KDM4C: variants seen among roughly 807,000 people sequenced by gnomAD.
KDM4C encodes the protein lysine-specific demethylase 4C.
In KDM4C, 81 loss-of-function variants were observed where a neutral mutation model predicts 129.3. The observed-to-expected ratio is 0.63, with a 90% confidence interval of 0.52 to 0.75. The LOEUF (loss-of-function observed/expected upper bound fraction) is 0.75, where lower values mean the gene tolerates loss of function less well. Ranked by LOEUF, KDM4C falls within the 30% of genes least tolerant of loss-of-function variation. The probability of loss-of-function intolerance (pLI) is 0.00; values close to 1 mark genes in which losing one functional copy is unlikely to be tolerated. For missense variants in KDM4C, 1,457 were observed against 1,304.0 expected (o/e 1.12, Z -1.81); for synonymous variants, 573 against 456.1 (o/e 1.26, Z -3.26).
upstream of KDM4C, among the ~76,000 whole-genome samples, chr9:6,756,430 T>C (rs1278212331): frequency 6.6e-6 from 1 of 152,194 alleles, no homozygotes; most frequent in African/African-American, 2.4e-5. Context: ...TTCAGAATTG[T>C]GTGTGGCCGG....
At chr9:7,135,343 C>G (rs373255163) in intron 19 of KDM4C, among the ~76,000 whole-genome samples, 1 of 152,142 alleles carries the variant, frequency 6.6e-6, no homozygotes, top group Admixed American at 6.5e-5. Flanking sequence ...GGAACTTATT[C>G]CCAAAGGACA....
rs114769045 is a variant in KDM4C at position 7,059,028 on chromosome 9, C to T, written c.2424+9828C>T. ...CTTGTATCCATCAGTGTGATAATTT[C>T]CCAGTACTTACAGGCTTTTTAAATG... On this transcript the variant is annotated intron_variant, in intron 17 of 21. Transcript: ENST00000381309. 8.9e-3 allele frequency among the ~76,000 whole-genome samples: 1,350 copies of T among 152,248 alleles called. 22 individuals carry two copies. The highest frequency in any genetic ancestry group is 0.031 in the African/African-American group (1,298 of 41,546).
intron 1 of KDM4C, among the ~76,000 whole-genome samples, chr9:6,780,490 G>T (rs1824094811): frequency 6.6e-6 from 1 of 151,830 alleles, no homozygotes; most frequent in Admixed American, 6.6e-5. Context: ...AAATTGGCCA[G>T]GTGCTGTGGC....
chr9:6,895,153 G>A (rs564557580), intron 8 of KDM4C, among the ~76,000 whole-genome samples: 11 of 152,180 alleles, frequency 7.2e-5, no homozygotes, highest in Non-Finnish European at 1.2e-4. Context: ...GTTGTCTCTT[G>A]CTGCTGTAGC....
chr9:7,105,190 G>T (rs548671511), intron 18 of KDM4C, among the ~76,000 whole-genome samples: 1 of 152,310 alleles, frequency 6.6e-6, no homozygotes, highest in Non-Finnish European at 1.5e-5. Context: ...GCCCTTAACA[G>T]TGTGCAGTCA....
chr9:6,860,300 G>A (rs1840689690), intron 5 of KDM4C, among the ~76,000 whole-genome samples: 1 of 152,150 alleles, frequency 6.6e-6, no homozygotes, highest in African/African-American at 2.4e-5. Flanking sequence ...AAACATTCTT[G>A]AAGTCAGAAA....
intron 5 of KDM4C, among the ~76,000 whole-genome samples, chr9:6,865,589 C>CA (rs1427941171): frequency 1.3e-5 from 2 of 152,004 alleles, no homozygotes; most frequent in African/African-American, 2.4e-5. Flanking sequence ...CTTTTTGAGA[C>CA]AGAGTCTTGG....
chr9:6,763,303 C>G (rs988910228), intron 1 of KDM4C, among the ~76,000 whole-genome samples: 4 of 152,204 alleles, frequency 2.6e-5, no homozygotes. Flanking sequence ...TGCTGTTGTT[C>G]CCTGTGCCTG....
At chr9:6,855,933 G>A (rs2130303938) in intron 5 of KDM4C, among the ~76,000 whole-genome samples, 1 of 152,206 alleles carries the variant, frequency 6.6e-6, no homozygotes, top group South Asian at 2.1e-4. Flanking sequence ...TAGAGATGGG[G>A]TCTCGCTGGG....
chr9:6,762,641 T>C (rs557744508), intron 1 of KDM4C, among the ~76,000 whole-genome samples: 1 of 148,026 alleles, frequency 6.8e-6, no homozygotes, highest in Non-Finnish European at 1.5e-5. Flanking sequence ...TAATATATAA[T>C]ATAATATATT....
intron 14 of KDM4C, among the ~76,000 whole-genome samples, chr9:7,015,531 A>G (rs1289777819): frequency 6.6e-6 from 1 of 152,086 alleles, no homozygotes; most frequent in African/African-American, 2.4e-5. Flanking sequence ...AAATGTATTT[A>G]TTATATTATT....
At chr9:6,965,247 A>C (rs565019251) in intron 8 of KDM4C, among the ~76,000 whole-genome samples, 1 of 151,822 alleles carries the variant, frequency 6.6e-6, no homozygotes, top group Non-Finnish European at 1.5e-5. Context: ...CAAAGAAAAA[A>C]AAAGTCTAAA....
At chr9:7,062,087 C>T (rs1469618061) in intron 17 of KDM4C, among the ~76,000 whole-genome samples, 2 of 152,010 alleles carry the variant, frequency 1.3e-5, no homozygotes, top group Non-Finnish European at 2.9e-5. Context: ...CCTACCTCAG[C>T]GTCCCAAGTA....
At chr9:7,017,027 C>T (rs891448401) in intron 15 of KDM4C, among the ~76,000 whole-genome samples, 2 of 152,018 alleles carry the variant, frequency 1.3e-5, no homozygotes, top group East Asian at 3.9e-4. Context: ...TCTCGAACTC[C>T]TGGGCTCAAG....
At chr9:7,033,662 C>G (rs1398387432) in intron 15 of KDM4C, among the ~76,000 whole-genome samples, 1 of 152,204 alleles carries the variant, frequency 6.6e-6, no homozygotes, top group Non-Finnish European at 1.5e-5. Flanking sequence ...CACCCCCCAC[C>G]TCTGCTCTGT....
chr9:7,028,650 C>T (rs1826204118), intron 15 of KDM4C, among the ~76,000 whole-genome samples: 1 of 152,104 alleles, frequency 6.6e-6, no homozygotes, highest in African/African-American at 2.4e-5. Context: ...CATGACTCGC[C>T]TAGGAGTTGC....
chr9:6,917,921 T>C (rs1338277302), intron 8 of KDM4C, among the ~76,000 whole-genome samples: 1 of 152,232 alleles, frequency 6.6e-6, no homozygotes, highest in Middle Eastern at 3.2e-3. Flanking sequence ...CAATTCTTCA[T>C]TCACTGCATC....
intron 18 of KDM4C, chr9:7,105,523 C>T (rs117604015): frequency 1.3e-5 from 6 of 465,514 alleles, no homozygotes; most frequent in South Asian, 3.1e-5. Flanking sequence ...TTTCCTGTTT[C>T]GAGGATAAGA....
Position 6,880,070 on chromosome 9 carries a change from T to G in KDM4C, c.679+9T>G, listed in dbSNP as rs747181206. 6.3e-7 allele frequency: 1 copy of G among 1,584,414 alleles called. No homozygotes were observed. Among genetic ancestry groups the G allele is most frequent in the East Asian group, 2.2e-5 (1 of 44,478 alleles). On this transcript the variant is annotated intron_variant, in intron 6 of 21. Transcript: ENST00000381309. ...TGAAAGACTAGCTCAAGGTAAAACT[T>G]GCTTTTTAAATTTGTTTTCTGTGTT... is the stretch of plus-strand genomic sequence containing the variant.
Sources: allele counts gnomAD v4.1 joint callset (sites outside exome capture counted in the v4.1 genomes callset), GRCh38; gene constraint gnomAD v4.1.1; transcripts MANE v1.5; gene names NCBI Gene and HGNC (gene_info 2026-07-23, HGNC 2026-07-21).